Variants in RBM33 observed in about 807,000 individuals in gnomAD.
The protein encoded by RBM33 is RNA-binding protein 33.
In RBM33, 28 loss-of-function variants were observed where a neutral mutation model predicts 132.6. The ratio of observed to expected loss-of-function variants is 0.21; its 90% CI spans 0.16 to 0.29. The LOEUF (loss-of-function observed/expected upper bound fraction) is 0.29. Among genes scored for constraint, RBM33 ranks in the 10% least tolerant of loss-of-function variants. The pLI is 1.00. For missense variants in RBM33, 1,291 were observed against 1,518.5 expected (o/e 0.85, Z 2.49); for synonymous variants, 634 against 593.0 (o/e 1.07, Z -1.01).
chr7:155,776,994 A>G lies in RBM33; in HGVS notation c.*1953A>G, dbSNP rs1196591592. 2 of 152,118 alleles carry G rather than the reference A, an allele frequency of 1.3e-5. No individual in the cohort carries two copies. Among genetic ancestry groups the G allele is most frequent in the Non-Finnish European group, 2.9e-5 (2 of 68,026 alleles). 9.4% of individuals were successfully genotyped at this position (152,118 alleles called of 1,614,324 possible). A position where few individuals can be genotyped will look rare whatever the true frequency, so the allele number is the denominator to read the frequency against. On this transcript the variant is annotated 3_prime_UTR_variant, in exon 18 of 18. Transcript: ENST00000401878. This position sits in a 1 kb window ranked among gnomAD's most constrained non-coding sequence, Gnocchi z 4.0. ...TACCCACTGGGCAGTGGGAAGGCCT[A>G]CCGACTTACTTTATCATTGAGGGCT...
intron 9 of RBM33, among the ~76,000 whole-genome samples, chr7:155,722,000 T>G (rs1241180607): frequency 6.6e-6 from 1 of 152,238 alleles, no homozygotes; most frequent in Non-Finnish European, 1.5e-5. Flanking sequence ...ATGCATGTCC[T>G]TCCCTAGTCC....
At chr7:155,729,020 A>G (rs750114882) in intron 9 of RBM33, among the ~76,000 whole-genome samples, 5 of 152,238 alleles carry the variant, frequency 3.3e-5, no homozygotes, top group Non-Finnish European at 5.9e-5. Flanking sequence ...GTAATTTATA[A>G]AGAAAAAAGG....
chr7:155,699,040 A>G (rs1799881667), intron 5 of RBM33, among the ~76,000 whole-genome samples: 1 of 152,184 alleles, frequency 6.6e-6, no homozygotes, highest in African/African-American at 2.4e-5. Context: ...ACTCATCTTT[A>G]TCCTCTTTAG....
intron 14 of RBM33, among the ~76,000 whole-genome samples, chr7:155,763,486 T>C (rs1399562719): frequency 1.3e-5 from 2 of 152,232 alleles, no homozygotes; most frequent in Admixed American, 6.5e-5. Context: ...AAAGTGAAAA[T>C]GCGTGTTGGA....
chr7:155,682,061 C>T (rs577611972), intron 5 of RBM33, among the ~76,000 whole-genome samples: 1 of 152,122 alleles, frequency 6.6e-6, no homozygotes, highest in East Asian at 1.9e-4. Context: ...GCTGAGATTA[C>T]AGGCGCCCAC....
chr7:155,708,478 A>G (rs796699005), intron 7 of RBM33, among the ~76,000 whole-genome samples: 20 of 152,308 alleles, frequency 1.3e-4, no homozygotes, highest in African/African-American at 4.1e-4. Flanking sequence ...TGATCCTGGA[A>G]AAGTTGTTGA....
intron 5 of RBM33, among the ~76,000 whole-genome samples, chr7:155,699,108 G>A (rs1799883392): frequency 6.6e-6 from 1 of 152,176 alleles, no homozygotes; most frequent in African/African-American, 2.4e-5. Context: ...GTGCTGTCTT[G>A]TTTTACATTA....
chr7:155,742,848 G>T (rs542273710), intron 13 of RBM33, among the ~76,000 whole-genome samples: 6 of 152,162 alleles, frequency 3.9e-5, no homozygotes, highest in Admixed American at 3.9e-4. Context: ...AAGGAGGGTC[G>T]GCCAGGGCGG....
chr7:155,706,716 G>C, intron 6 of RBM33, 144 bp from the exon 7 acceptor site: 1 of 630,160 alleles, frequency 1.6e-6, no homozygotes, highest in Middle Eastern at 3.2e-4. Flanking sequence ...TATCGTACTT[G>C]CCGCTGCTAG....
intron 1 of RBM33, among the ~76,000 whole-genome samples, chr7:155,658,141 TGTTTCA>T (rs1331969251): frequency 6.6e-6 from 1 of 152,228 alleles, no homozygotes; most frequent in Non-Finnish European, 1.5e-5. Context: ...TTTGGTGTTC[TGTTTCA>T]GTGCATATAT....
chr7:155,665,806 G>A (rs1798785413), intron 2 of RBM33, among the ~76,000 whole-genome samples: 1 of 152,224 alleles, frequency 6.6e-6, no homozygotes, highest in South Asian at 2.1e-4. Flanking sequence ...CTGGCAAGGA[G>A]TTAATAATAG....
chr7:155,766,251 C>A (rs1021807429), intron 15 of RBM33, among the ~76,000 whole-genome samples: 1 of 152,086 alleles, frequency 6.6e-6, no homozygotes, highest in African/African-American at 2.4e-5. Context: ...TCGTCAGCTC[C>A]CTCCTCTTCC....
Position 155,731,297 on chromosome 7 carries a change from C to T in RBM33, c.1261-6233C>T, listed in dbSNP as rs116433708. ...CCAGTGCTGTGGTGCCCACCTTATC[C>T]GAGGGGCGTGTACTGGAAGACCCCC... is the stretch of plus-strand genomic sequence containing the variant. On this transcript the variant is annotated intron_variant, in intron 9 of 17. Coordinates refer to ENST00000401878, the MANE Select transcript of RBM33 (RefSeq NM_053043.3). Among the ~76,000 whole-genome samples, 214 of 152,264 alleles carry T rather than the reference C, an allele frequency of 1.4e-3. 4 individuals carry two copies. Among genetic ancestry groups the T allele is most frequent in the African/African-American group, 4.9e-3 (203 of 41,540 alleles).
intron 14 of RBM33, among the ~76,000 whole-genome samples, chr7:155,762,142 G>T (rs1253379466): frequency 6.6e-6 from 1 of 152,254 alleles, no homozygotes; most frequent in East Asian, 1.9e-4. Flanking sequence ...GGGCTTCCCA[G>T]GCAGCCATGT....
Position 155,774,491 on chromosome 7 carries a change from AATAT to A in RBM33, c.3376-61_3376-58del. On this transcript the variant is annotated intron_variant, in intron 16 of 17. Transcript: ENST00000401878. The surrounding 1 kb of genome is among the most constrained non-coding windows in gnomAD (Gnocchi z 4.2). ...TTTGTGTTAAAACTAATAATGCTTA[AATAT>A]ATATATTCATATTTTTTATTGTCAT... 8.7e-7 allele frequency: 1 copy of A among 1,146,538 alleles called. No individual in the cohort carries two copies. The highest frequency in any genetic ancestry group is 2.5e-5 in the East Asian group (1 of 39,764). The allele number at this position is 1,146,538 out of a possible 1,614,324, so 71.0% of individuals were successfully genotyped here. A position where few individuals can be genotyped will look rare whatever the true frequency, so the allele number is the denominator to read the frequency against.
At chr7:155,668,502 G>A (rs1798859828) in intron 2 of RBM33, among the ~76,000 whole-genome samples, 2 of 152,144 alleles carry the variant, frequency 1.3e-5, no homozygotes, top group South Asian at 2.1e-4. Context: ...GGGAGGGGCC[G>A]GGGTGTGGCA....
Position 155,774,719 on chromosome 7 carries a change from C to A in RBM33, c.3464+72C>A. The A allele has an allele frequency of 8.2e-7, 1 of 1,221,740 alleles. No homozygotes were observed. The highest frequency in any genetic ancestry group is 1.2e-6 in the Non-Finnish European group (1 of 822,528). The allele number at this position is 1,221,740 out of a possible 1,614,324, so 75.7% of individuals were successfully genotyped here. On this transcript the variant is annotated intron_variant, in intron 17 of 17. Transcript: ENST00000401878. This position sits in a 1 kb window ranked among gnomAD's most constrained non-coding sequence, Gnocchi z 4.2. The stretch of plus-strand genomic sequence containing the variant: ...GGCCCTCCTTCCTGTGCCCTCCCAT[C>A]CATCATGGTAGCAAGCGTGTGTCCC...
At chr7:155,725,238 C>T (rs1423394424) in intron 9 of RBM33, among the ~76,000 whole-genome samples, 4 of 124,516 alleles carry the variant, frequency 3.2e-5, no homozygotes, top group African/African-American at 6.1e-5. Context: ...TGAGGAAGTA[C>T]GGTATTCATA....
chr7:155,678,511 T>G (rs1799247780), intron 3 of RBM33, 97 bp from the exon 4 acceptor site: 1 of 750,448 alleles, frequency 1.3e-6, no homozygotes. Context: ...CGTTTTAATA[T>G]AAGGCTAGGA....
Sources: gnomAD v4.1 joint callset for allele counts (sites outside exome capture counted in the v4.1 genomes callset) on GRCh38, gnomAD v4.1.1 for gene constraint, Gnocchi (gnomAD v3.1) non-coding constraint, MANE v1.5 for transcripts, NCBI Gene and HGNC (gene_info 2026-07-23, HGNC 2026-07-21) for gene names.